WIPF3: variants seen among roughly 807,000 people sequenced by gnomAD.
WIPF3 encodes the protein WAS/WASL interacting protein family member 3, also known as WAS/WASL-interacting protein family member 3.
Under a neutral mutation model 38.9 loss-of-function variants are expected in WIPF3, and 33 were observed. The ratio of observed to expected loss-of-function variants is 0.85; its 90% CI spans 0.64 to 1.14. WIPF3 has a LOEUF of 1.14. Ranked by LOEUF, WIPF3 falls within the 50% of genes most tolerant of loss-of-function variation. WIPF3 has a pLI of 0.00. For synonymous variants in WIPF3, 324 were observed against 269.3 expected, an observed-to-expected ratio of 1.20 and a Z score of -1.99; for missense variants, 711 against 652.5, an observed-to-expected ratio of 1.09 and a Z score of -0.98.
chr7:29,822,637 C>G (rs1055900625), intron 1 of WIPF3, among the ~76,000 whole-genome samples: 2 of 152,198 alleles, frequency 1.3e-5, no homozygotes, highest in Admixed American at 6.5e-5. Context: ...CAGGGCTCTG[C>G]AGGCTTTGTC....
chr7:29,890,365 AAAAAAAAGAGAG>A (rs1257598979), intron 7 of WIPF3, among the ~76,000 whole-genome samples: 2 of 81,880 alleles, frequency 2.4e-5, no homozygotes, highest in African/African-American at 3.6e-5. Flanking sequence ...AAAAAAAAAA[AAAAAAAAGAGAG>A]AGAGAGAATG....
intron 2 of WIPF3, among the ~76,000 whole-genome samples, chr7:29,838,312 C>A (rs1272345443): frequency 5.3e-5 from 8 of 152,066 alleles, no homozygotes; most frequent in Admixed American, 5.2e-4. Context: ...CCCTAAGATA[C>A]AATTTGTCAG....
chr7:29,888,897 C>T (rs1248855294), intron 6 of WIPF3, among the ~76,000 whole-genome samples: 1 of 152,220 alleles, frequency 6.6e-6, no homozygotes, highest in Non-Finnish European at 1.5e-5. Flanking sequence ...TCTCCCTCCC[C>T]TCAAAACCCT....
chr7:29,914,727 C>G lies in WIPF3; in HGVS notation c.*211C>G, dbSNP rs888945888. On this transcript the variant is annotated 3_prime_UTR_variant, in exon 9 of 9. Coordinates refer to ENST00000242140, the MANE Select transcript of WIPF3 (RefSeq NM_001080529.3). The stretch of plus-strand genomic sequence containing the variant: ...ATTTTTTAAAACACCCCTCATTTTT[C>G]CATTTTTTGCATTGCATCTTGGCAT... 4 of 392,550 alleles carry G rather than the reference C, an allele frequency of 1.0e-5. No individual in the cohort carries two copies. Among genetic ancestry groups the G allele is most frequent in the Non-Finnish European group, 1.8e-5 (4 of 217,324 alleles). 24.3% of individuals were successfully genotyped at this position (392,550 alleles called of 1,614,324 possible). A position where few individuals can be genotyped will look rare whatever the true frequency, so the allele number is the denominator to read the frequency against.
intron 7 of WIPF3, among the ~76,000 whole-genome samples, chr7:29,902,445 C>T (rs1377657072): frequency 6.6e-6 from 1 of 151,980 alleles, no homozygotes; most frequent in East Asian, 1.9e-4. Context: ...TTTAGAGACC[C>T]TTCTACGTGA....
At chr7:29,826,211 C>T (rs1784613446) in intron 1 of WIPF3, among the ~76,000 whole-genome samples, 1 of 152,166 alleles carries the variant, frequency 6.6e-6, no homozygotes, top group Non-Finnish European at 1.5e-5. Context: ...AGATAAGATG[C>T]TCTCAGAGAT....
In WIPF3 at chr7:29,883,921, C is replaced by T. The variant is rs918767254; in HGVS notation, c.427C>T (p.Pro143Ser). 6.4e-7 allele frequency: 1 copy of T among 1,567,740 alleles called. No homozygotes were observed. The highest frequency in any genetic ancestry group is 8.6e-7 in the Non-Finnish European group (1 of 1,156,962). The change falls in exon 5 of 9, where the codon CCG becomes TCG. Residue 143 changes from proline (P) to serine (S), a missense_variant. Physicochemically the swap from Pro to Ser is moderately conservative, Grantham distance 74. Coordinates refer to ENST00000242140, the MANE Select transcript of WIPF3 (RefSeq NM_001080529.3). ...PRLPNKTISGPLIPPASPRLG... is the reference protein window; with the variant it reads ...PRLPNKTISGSLIPPASPRLG... ...GCTTCCCAACAAAACCATCAGCGGC[C>T]CGCTTATCCCGCCTGCCTCTCCCAG...
rs1379282451 is a variant in WIPF3, at chr7:29,884,535, C to T, written c.1041C>T (p.Ala347=). The part of the protein sequence containing the change: ...PQKAGAQALP[A]PPAPPGSQPF... ...AGGCCGGTGCGCAGGCCTTGCCCGC[C>T]CCGCCTGCCCCTCCGGGCTCCCAGC... The change falls in exon 5 of 9, where the codon GCC becomes GCT. Residue 347 remains alanine, a synonymous_variant. Transcript: ENST00000242140. 2.5e-6 allele frequency: 4 copies of T among 1,597,192 alleles called. No individual in the cohort carries two copies. The highest frequency in any genetic ancestry group is 3.4e-6 in the Non-Finnish European group (4 of 1,173,376).
intron 4 of WIPF3, among the ~76,000 whole-genome samples, chr7:29,881,855 C>T (rs1227820049): frequency 6.6e-6 from 1 of 152,248 alleles, no homozygotes; most frequent in Non-Finnish European, 1.5e-5. Context: ...TCAATCTGGC[C>T]TTTCCCGCCA....
At chr7:29,863,648 G>A (rs746690097) in intron 2 of WIPF3, among the ~76,000 whole-genome samples, 1 of 152,180 alleles carries the variant, frequency 6.6e-6, no homozygotes, top group East Asian at 1.9e-4. Context: ...TGAATTTACA[G>A]ATCAACCTGG....
intron 2 of WIPF3, among the ~76,000 whole-genome samples, chr7:29,848,773 G>A (rs1281333747): frequency 6.6e-6 from 1 of 152,108 alleles, no homozygotes; most frequent in Non-Finnish European, 1.5e-5. Flanking sequence ...TAATAAGCAG[G>A]GATTTGGAGG....
At chr7:29,855,684 G>C (rs1311437628) in intron 2 of WIPF3, among the ~76,000 whole-genome samples, 1 of 152,196 alleles carries the variant, frequency 6.6e-6, no homozygotes, top group Non-Finnish European at 1.5e-5. Flanking sequence ...GGGGGACTTA[G>C]TGTAGGCTGA....
At chr7:29,865,466 A>G (rs1785369951) in intron 2 of WIPF3, among the ~76,000 whole-genome samples, 1 of 152,216 alleles carries the variant, frequency 6.6e-6, no homozygotes. Flanking sequence ...GAAGTGGCTC[A>G]GAGAAGAGCC....
At chr7:29,845,102 G>GAA (rs397717640) in intron 2 of WIPF3, among the ~76,000 whole-genome samples, 15 of 138,372 alleles carry the variant, frequency 1.1e-4, no homozygotes, top group African/African-American at 2.9e-4. Context: ...CTTCTAATAG[G>GAA]AAAAAAAAAA....
chr7:29,914,532 G>A lies in WIPF3; in HGVS notation c.*16G>A, dbSNP rs1027883604. The A allele has an allele frequency of 9.2e-6, 14 of 1,515,706 alleles. No individual in the cohort carries two copies. The highest frequency in any genetic ancestry group is 8.4e-5 in the African/African-American group (6 of 71,362). 93.9% of individuals were successfully genotyped at this position (1,515,706 alleles called of 1,614,324 possible). A position where few individuals can be genotyped will look rare whatever the true frequency, so the allele number is the denominator to read the frequency against. On this transcript the variant is annotated 3_prime_UTR_variant, in exon 9 of 9. Transcript: ENST00000242140. ...TCTTCGGTGAGAAGACAGATGAAGC[G>A]AAGGTCCTGGGGTTCCAGGTTGCAG...
In WIPF3 at chr7:29,884,196, AC is replaced by A; in HGVS notation, c.707del (p.Pro236ArgfsTer13). 1.1e-6 allele frequency: 1 copy of A among 928,406 alleles called. No homozygotes were observed. Among genetic ancestry groups the A allele is most frequent in the Non-Finnish European group, 1.3e-6 (1 of 778,718 alleles). The allele number at this position is 928,406 out of a possible 1,614,324, so 57.5% of individuals were successfully genotyped here. A position where few individuals can be genotyped will look rare whatever the true frequency, so the allele number is the denominator to read the frequency against. On this transcript the variant is annotated frameshift_variant, in exon 5 of 9. Transcript: ENST00000242140. LOFTEE classifies it high-confidence loss of function. ...PPPPPPPPTP[P>X]PLPPASVLSD... is the part of the protein sequence containing the mutation. ...CACCTCCGCCACCTCCCCCAACGCC[AC>A]CCCCGCTGCCCCCGGCCTCGGTTCT...
intron 2 of WIPF3, among the ~76,000 whole-genome samples, chr7:29,861,841 A>T (rs1465831738): frequency 4.6e-5 from 7 of 152,196 alleles, no homozygotes; most frequent in Admixed American, 4.6e-4. Flanking sequence ...AAATGTTTGC[A>T]ATCATAGGAC....
intron 2 of WIPF3, among the ~76,000 whole-genome samples, chr7:29,846,233 T>C (rs1319018996): frequency 6.6e-6 from 1 of 152,194 alleles, no homozygotes; most frequent in East Asian, 1.9e-4. Context: ...ACCCTGTGCC[T>C]TTTGCTTTGC....
chr7:29,875,265 G>C (rs1050246536), intron 2 of WIPF3, among the ~76,000 whole-genome samples: 7 of 152,104 alleles, frequency 4.6e-5, no homozygotes, highest in Non-Finnish European at 2.9e-5. Flanking sequence ...GCATGAATCT[G>C]CTTCCCTTAA....
Sources: allele counts gnomAD v4.1 joint callset (sites outside exome capture counted in the v4.1 genomes callset), GRCh38; gene constraint gnomAD v4.1.1; transcripts MANE v1.5; gene names NCBI Gene and HGNC (gene_info 2026-07-23, HGNC 2026-07-21).